The following UPF1 variants were observed in gnomAD, a reference collection of about 807,000 sequenced individuals.
The protein encoded by UPF1 is UPF1 RNA helicase and ATPase.
UPF1 carries 9 observed loss-of-function variants against 129.2 expected under a neutral mutation model. The observed-to-expected ratio is 0.07, with a 90% CI of 0.04 to 0.12. The LOEUF is 0.12. Ranked by LOEUF, UPF1 falls within the 10% of genes least tolerant of loss-of-function variation. UPF1 has a pLI of 1.00. For synonymous variants in UPF1, 649 were observed against 644.9 expected, an observed-to-expected ratio of 1.01 and a Z score of -0.10; for missense variants, 788 against 1,525.3, an observed-to-expected ratio of 0.52 and a Z score of 8.05.
At chr19:18,835,117 C>A (rs1393347477) in intron 1 of UPF1, among the ~76,000 whole-genome samples, 1 of 152,182 alleles carries the variant, frequency 6.6e-6, no homozygotes, top group Admixed American at 6.5e-5. Context: ...ACCTCCACAG[C>A]CCCTGGCAAC....
rs750734635 is a variant in UPF1 at position 18,853,352 on chromosome 19, T to C, written c.1156+2T>C. On this transcript the variant is annotated splice_donor_variant, in intron 8 of 23. Transcript: ENST00000262803. LOFTEE classifies it high-confidence loss of function. The surrounding 1 kb of genome is among the most constrained non-coding windows in gnomAD (Gnocchi z 4.4). ...GCCACGTCATCAAGGTCCCTGATAG[T>C]ATCCTTCATGTGAAGAGGGTGTGGC... is the stretch of plus-strand genomic sequence containing the variant. The C allele has an allele frequency of 6.2e-7, 1 of 1,602,454 alleles. No homozygotes were observed. Among genetic ancestry groups the C allele is most frequent in the East Asian group, 2.2e-5 (1 of 44,660 alleles).
At chr19:18,860,023 G>T in intron 15 of UPF1, 1 of 358,844 alleles carries the variant, frequency 2.8e-6, no homozygotes, top group South Asian at 4.4e-5. Context: ...TGTATCCTGG[G>T]GTTGGCAGAG....
chr19:18,837,894 A>G (rs1277062593), intron 1 of UPF1, among the ~76,000 whole-genome samples: 1 of 152,204 alleles, frequency 6.6e-6, no homozygotes, highest in Non-Finnish European at 1.5e-5. Context: ...GTAAGGGACA[A>G]CTAGCTAAAG....
chr19:18,852,358 G>C (rs1428491643), intron 6 of UPF1, 62 bp downstream of exon 6: 35 of 1,584,300 alleles, frequency 2.2e-5, no homozygotes, highest in Non-Finnish European at 3.0e-5. Context: ...CTCTCCTCAG[G>C]CTTCCAGAGG....
rs2055440535 is a variant in UPF1 at position 18,832,627 on chromosome 19, G to T, written c.231+187G>T. Among the ~76,000 whole-genome samples, 1 of 152,256 alleles carries T rather than the reference G, an allele frequency of 6.6e-6. No individual in the cohort carries two copies. The highest frequency in any genetic ancestry group is 1.5e-5 in the Non-Finnish European group (1 of 67,996). ...TTACCTGCCCCAGGTCCTGCAATCT[G>T]CCCGGGCCTGGCCTGATCTGCCCCG... On this transcript the variant is annotated intron_variant, in intron 1 of 23. Transcript: ENST00000262803. The surrounding 1 kb of genome is among the most constrained non-coding windows in gnomAD (Gnocchi z 5.6).
intron 1 of UPF1, among the ~76,000 whole-genome samples, chr19:18,839,149 T>C (rs566584649): frequency 1.3e-4 from 20 of 152,280 alleles, no homozygotes; most frequent in Admixed American, 1.2e-3. Context: ...TGGAGTGCAG[T>C]GGCGCGATCT....
chr19:18,849,821 A>G, intron 3 of UPF1: 1 of 491,002 alleles, frequency 2.0e-6, no homozygotes, highest in Non-Finnish European at 3.6e-6. Flanking sequence ...CAGGATTTTT[A>G]AAAAAGGCAG....
rs763709790 is a variant in UPF1, at chr19:18,855,023, C to T, written c.1410C>T (p.Asp470=). 1.2e-6 allele frequency: 2 copies of T among 1,613,982 alleles called. No homozygotes were observed. Among genetic ancestry groups the T allele is most frequent in the South Asian group, 2.2e-5 (2 of 91,092 alleles). Residue 470 remains aspartate, a synonymous_variant, in exon 10 of 24, where the codon GAC becomes GAT. Coordinates refer to ENST00000262803, the MANE Select transcript of UPF1 (RefSeq NM_002911.4). ...GCTTCACGGCGCAGGGCCTCCCCGA[C>T]CTCAACCACTCCCAGGTGCGCGCCG... ...PKRFTAQGLP[D]LNHSQVYAVK... is the part of the protein sequence containing the mutation.
intron 14 of UPF1, 78 bp from the exon 15 acceptor site, chr19:18,857,242 C>T (rs1253042574): frequency 3.6e-5 from 55 of 1,524,836 alleles, no homozygotes; most frequent in South Asian, 1.7e-4. Context: ...ATCCTGGGGC[C>T]CCTACTTCCT....
chr19:18,839,330 G>A (rs1323743117), intron 1 of UPF1, among the ~76,000 whole-genome samples: 1 of 152,174 alleles, frequency 6.6e-6, no homozygotes, highest in Non-Finnish European at 1.5e-5. Flanking sequence ...CTGACCTCAG[G>A]TGATCTGCCC....
chr19:18,862,155 A>G lies in UPF1; in HGVS notation c.2600+3A>G. ...AACGTGGCCCTGACCAGAGCAAGGT[A>G]GGGAGGCTGCCTGCTGCATGCTGCC... On this transcript the variant is annotated splice_donor_region_variant and intron_variant, in intron 18 of 23. Coordinates refer to ENST00000262803, the MANE Select transcript of UPF1 (RefSeq NM_002911.4). 2.5e-6 allele frequency: 4 copies of G among 1,612,834 alleles called. No individual in the cohort carries two copies. Among genetic ancestry groups the G allele is most frequent in the Non-Finnish European group, 3.4e-6 (4 of 1,179,364 alleles).
chr19:18,857,479 G>A lies in UPF1; in HGVS notation c.2128G>A (p.Ala710Thr), dbSNP rs776533487. The change falls in exon 15 of 24, where the codon GCC (alanine) becomes ACC (threonine). Residue 710 changes from alanine to threonine, a missense_variant. Transcript: ENST00000262803. ...VQYRMHPALS[A>T]FPSNIFYEGS... The stretch of plus-strand genomic sequence containing the variant: ...GTACCGGATGCACCCTGCACTCAGC[G>A]CCTTCCCATCCAACATCTTCTACGA... 2.5e-6 allele frequency: 4 copies of A among 1,613,938 alleles called. No individual in the cohort carries two copies. Among genetic ancestry groups the A allele is most frequent in the East Asian group, 2.2e-5 (1 of 44,876 alleles).
intron 2 of UPF1, 117 bp from the exon 3 acceptor site, chr19:18,847,627 A>T (rs984141349): frequency 2.3e-6 from 2 of 876,558 alleles, no homozygotes; most frequent in Non-Finnish European, 3.7e-6. Context: ...GTTGGGGTTG[A>T]GTATGTGTTT....
At chr19:18,854,280 C>T (rs2055691382) in intron 8 of UPF1, among the ~76,000 whole-genome samples, 1 of 152,208 alleles carries the variant, frequency 6.6e-6, no homozygotes, top group South Asian at 2.1e-4. Flanking sequence ...CTGCTCCCTG[C>T]TGGTGAGCGC....
chr19:18,857,397 G>A lies in UPF1; in HGVS notation c.2046G>A (p.Gln682=). 6.2e-7 allele frequency: 1 copy of A among 1,613,518 alleles called. No homozygotes were observed. Among genetic ancestry groups the A allele is most frequent in the Non-Finnish European group, 8.5e-7 (1 of 1,180,030 alleles). Residue 682 remains glutamine, a synonymous_variant, in exon 15 of 24, where the codon CAG becomes CAA. Transcript: ENST00000262803. The part of the protein sequence containing the change: ...CKKAAKAGLS[Q]SLFERLVVLG... ...AGGCGGCCAAGGCCGGGCTGTCACA[G>A]TCGCTCTTCGAGCGCCTGGTGGTGC...
chr19:18,856,755 G>T (rs1352447244), intron 13 of UPF1, 122 bp from the exon 14 acceptor site: 1 of 1,383,934 alleles, frequency 7.2e-7, no homozygotes, highest in Non-Finnish European at 9.6e-7. Context: ...GGGACAGCTT[G>T]TTTTTTATAG....
At chr19:18,849,492 A>G (rs2055635046) in intron 3 of UPF1, 1 of 157,840 alleles carries the variant, frequency 6.3e-6, no homozygotes, top group Admixed American at 6.1e-5. Flanking sequence ...GAGCCGAGCC[A>G]GCCAGGGCTT....
chr19:18,850,656 G>A lies in UPF1; in HGVS notation c.630-32G>A. On this transcript the variant is annotated intron_variant, in intron 4 of 23. Coordinates refer to ENST00000262803, the MANE Select transcript of UPF1 (RefSeq NM_002911.4). The surrounding 1 kb of genome is among the most constrained non-coding windows in gnomAD (Gnocchi z 7.1). The stretch of plus-strand genomic sequence containing the variant: ...CTGCTCCGGGGCTTCAGGGACGGGA[G>A]CTGGTCCTCACGGCCCCCTCCCGCT... 2 of 1,530,290 alleles carry A rather than the reference G, an allele frequency of 1.3e-6. No individual in the cohort carries two copies. The highest frequency in any genetic ancestry group is 1.4e-5 in the African/African-American group (1 of 72,934). 94.8% of individuals were successfully genotyped at this position (1,530,290 alleles called of 1,614,324 possible).
At chr19:18,835,551 C>T (rs2055474909) in intron 1 of UPF1, among the ~76,000 whole-genome samples, 1 of 152,094 alleles carries the variant, frequency 6.6e-6, no homozygotes, top group African/African-American at 2.4e-5. Context: ...CCATGTTGGC[C>T]AGATGGTCTT....
Sources: gnomAD v4.1 joint callset for allele counts (sites outside exome capture counted in the v4.1 genomes callset) on GRCh38, gnomAD v4.1.1 for gene constraint, Gnocchi (gnomAD v3.1) non-coding constraint, MANE v1.5 for transcripts, NCBI Gene and HGNC (gene_info 2026-07-23, HGNC 2026-07-21) for gene names.